Variants in SYT9 observed in about 807,000 individuals in gnomAD.
The protein encoded by SYT9 is synaptotagmin 9, also known as synaptotagmin-9.
In SYT9, 22 loss-of-function variants were observed where a neutral mutation model predicts 48.4. That is an observed-to-expected ratio of 0.45 (90% CI 0.32 to 0.65). The LOEUF (loss-of-function observed/expected upper bound fraction) is 0.65. SYT9 is among the 30% of genes least tolerant of loss of function. SYT9 has a pLI of 0.03. For missense variants in SYT9, 577 were observed against 622.0 expected (o/e 0.93, Z 0.77); for synonymous variants, 265 against 245.0 (o/e 1.08, Z -0.76).
intron 3 of SYT9, among the ~76,000 whole-genome samples, chr11:7,383,909 T>C (rs1850610309): frequency 1.3e-5 from 2 of 152,228 alleles, no homozygotes; most frequent in Non-Finnish European, 1.5e-5. Context: ...TAACCTCAAT[T>C]CCCTGTCTTC....
intron 3 of SYT9, among the ~76,000 whole-genome samples, chr11:7,354,942 T>A (rs996953130): frequency 2.0e-5 from 3 of 152,116 alleles, no homozygotes; most frequent in African/African-American, 4.8e-5. Flanking sequence ...ATGCCTCAGT[T>A]TCTCCTAAAG....
intron 6 of SYT9, chr11:7,439,576 A>G (rs1847787142): frequency 6.6e-6 from 1 of 152,360 alleles, no homozygotes; most frequent in Admixed American, 6.5e-5. Context: ...GCAAGGTAGG[A>G]GGTGAAGACA....
At position 7,468,505 on chromosome 11, in the gene SYT9, C is replaced by T. The variant is rs907523719; in HGVS notation, c.*1705C>T. The stretch of plus-strand genomic sequence containing the variant: ...TGCTCAAGGTTCCCCTCTGCTCATC[C>T]CTCCTCATTCAGACATCCTCCACCA... On this transcript the variant is annotated 3_prime_UTR_variant, in exon 7 of 7. Coordinates refer to ENST00000318881, the MANE Select transcript of SYT9 (RefSeq NM_175733.4). 10 of 393,408 alleles carry T rather than the reference C, an allele frequency of 2.5e-5. No homozygotes were observed. The highest frequency in any genetic ancestry group is 8.9e-5 in the Admixed American group (2 of 22,570). The allele number at this position is 393,408 out of a possible 1,614,324, so 24.4% of individuals were successfully genotyped here.
rs548666564 is a variant in SYT9 at position 7,313,533 on chromosome 11, C to G, written c.636C>G (p.Asp212Glu). The G allele has an allele frequency of 8.7e-6, 14 of 1,613,946 alleles. No individual in the cohort carries two copies. Among genetic ancestry groups the G allele is most frequent in the Non-Finnish European group, 1.2e-5 (14 of 1,180,000 alleles). Reference sequence around the variant, plus strand: ...AGCAGAGGTCATTGGATAATGATGACGGGAGACGGAGTAACAGCAAGGCTT... The same window carrying G: ...AGCAGAGGTCATTGGATAATGATGAGGGGAGACGGAGTAACAGCAAGGCTT... ...LYKQRSLDND[D>E]GRRSNSKACG... Residue 212 changes from aspartate (D) to glutamate (E), a missense_variant, in exon 3 of 7, where the codon GAC becomes GAG. Coordinates refer to ENST00000318881, the MANE Select transcript of SYT9 (RefSeq NM_175733.4).
intron 6 of SYT9, chr11:7,439,259 T>C (rs1479802914): frequency 6.6e-6 from 1 of 152,234 alleles, no homozygotes. Context: ...TCTGCTTCAG[T>C]GTCATGATGG....
At chr11:7,270,933 TA>T (rs1848284842) in intron 1 of SYT9, among the ~76,000 whole-genome samples, 1 of 151,664 alleles carries the variant, frequency 6.6e-6, no homozygotes, top group Admixed American at 6.6e-5. Flanking sequence ...CAAAGCCTAA[TA>T]AATGTAAAAG....
At chr11:7,369,292 C>T (rs190798370) in intron 3 of SYT9, among the ~76,000 whole-genome samples, 1 of 150,964 alleles carries the variant, frequency 6.6e-6, no homozygotes, top group South Asian at 2.1e-4. Context: ...AGTGTCTGTT[C>T]GTATTATTTG....
intron 3 of SYT9, among the ~76,000 whole-genome samples, chr11:7,332,160 T>C (rs1285183509): frequency 2.0e-5 from 3 of 151,862 alleles, no homozygotes; most frequent in Non-Finnish European, 4.4e-5. Flanking sequence ...GAGGCAAAGG[T>C]GTATCAGCTA....
intron 3 of SYT9, among the ~76,000 whole-genome samples, chr11:7,325,198 T>C (rs1564862775): frequency 6.6e-6 from 1 of 150,662 alleles, no homozygotes; most frequent in Non-Finnish European, 1.5e-5. Flanking sequence ...TAAATTACCT[T>C]GGGCAGTATG....
chr11:7,419,617 C>A (rs1157230326), intron 5 of SYT9, among the ~76,000 whole-genome samples: 2 of 152,164 alleles, frequency 1.3e-5, no homozygotes, highest in African/African-American at 4.8e-5. Flanking sequence ...TTAGCCTTGG[C>A]CGGGCATGGT....
At chr11:7,445,939 G>A (rs918980169) in intron 6 of SYT9, among the ~76,000 whole-genome samples, 1 of 152,200 alleles carries the variant, frequency 6.6e-6, no homozygotes, top group African/African-American at 2.4e-5. Flanking sequence ...CTACCCTACT[G>A]TACACGGTAC....
intron 3 of SYT9, among the ~76,000 whole-genome samples, chr11:7,384,721 G>A (rs77141076): frequency 6.6e-6 from 1 of 152,068 alleles, no homozygotes; most frequent in Non-Finnish European, 1.5e-5. Flanking sequence ...TTCAATCTTT[G>A]TAATGAATTC....
At chr11:7,283,608 C>T (rs922351701) in intron 1 of SYT9, among the ~76,000 whole-genome samples, 2 of 151,926 alleles carry the variant, frequency 1.3e-5, no homozygotes, top group Admixed American at 6.6e-5. Flanking sequence ...AAGGTTTAAG[C>T]GGAGGCAGTT....
Position 7,252,369 on chromosome 11 carries a change from C to A in SYT9, c.145+38C>A. ...ACCGCCGCCTGGAGGGACCTAAGGG[C>A]CCTGGGCTGGGACTTGGGGCCGCAC... On this transcript the variant is annotated intron_variant, in intron 1 of 6. Coordinates refer to ENST00000318881, the MANE Select transcript of SYT9 (RefSeq NM_175733.4). The surrounding 1 kb of genome is among the most constrained non-coding windows in gnomAD (Gnocchi z 6.3). 1 of 1,404,012 alleles carries A rather than the reference C, an allele frequency of 7.1e-7. No homozygotes were observed. Among genetic ancestry groups the A allele is most frequent in the East Asian group, 3.0e-5 (1 of 32,958 alleles). The allele number at this position is 1,404,012 out of a possible 1,614,324, so 87.0% of individuals were successfully genotyped here.
At chr11:7,442,176 C>G (rs1171986202) in intron 6 of SYT9, among the ~76,000 whole-genome samples, 1 of 152,066 alleles carries the variant, frequency 6.6e-6, no homozygotes, top group Admixed American at 6.5e-5. Context: ...TGTCTCTGCA[C>G]ATGCCATCAA....
chr11:7,442,939 C>G (rs1847855350), intron 6 of SYT9, among the ~76,000 whole-genome samples: 1 of 152,090 alleles, frequency 6.6e-6, no homozygotes, highest in Admixed American at 6.5e-5. Flanking sequence ...CGCCTGCCTT[C>G]CAGGAGTACA....
At chr11:7,394,761 G>A (rs577087007) in intron 3 of SYT9, among the ~76,000 whole-genome samples, 4 of 151,926 alleles carry the variant, frequency 2.6e-5, no homozygotes, top group Admixed American at 6.6e-5. Context: ...ATTCCTTTAG[G>A]TACAAGTCAG....
At chr11:7,423,922 C>A (rs1847403346) in intron 6 of SYT9, among the ~76,000 whole-genome samples, 1 of 152,194 alleles carries the variant, frequency 6.6e-6, no homozygotes, top group African/African-American at 2.4e-5. Context: ...CAAAAACCAG[C>A]AATTAAATCT....
chr11:7,345,582 A>G (rs1454785742), intron 3 of SYT9, among the ~76,000 whole-genome samples: 2 of 152,176 alleles, frequency 1.3e-5, no homozygotes, highest in Non-Finnish European at 2.9e-5. Context: ...ATATTAGGTG[A>G]AGAATAGGCT....
Sources: allele counts gnomAD v4.1 joint callset (sites outside exome capture counted in the v4.1 genomes callset), GRCh38; gene constraint gnomAD v4.1.1; non-coding constraint Gnocchi (gnomAD v3.1); transcripts MANE v1.5; gene names NCBI Gene and HGNC (gene_info 2026-07-23, HGNC 2026-07-21).